MYO7B: variants seen among roughly 807,000 people sequenced by gnomAD.
MYO7B encodes the protein myosin VIIB, also known as unconventional myosin-VIIb.
MYO7B carries 212 observed loss-of-function variants against 259.7 expected under a neutral mutation model. The ratio of observed to expected loss-of-function variants is 0.82; its 90% CI spans 0.73 to 0.91. The LOEUF is 0.91. MYO7B is among the 40% of genes least tolerant of loss of function. MYO7B has a pLI of 0.00. For missense variants in MYO7B, 2,732 were observed against 2,813.5 expected, an observed-to-expected ratio of 0.97 and a Z score of 0.66; for synonymous variants, 1,197 against 1,166.4, an observed-to-expected ratio of 1.03 and a Z score of -0.54.
In MYO7B at chr2:127,539,836, G is replaced by A. The variant is rs1413795839; in HGVS notation, c.-24+4005G>A. ...GTCTTTTGTTGCTCACCCAGCTCCAGCCTTCCCCCGAAAGTCCCCAAAGTC... is the reference window on the plus strand; with the variant it reads ...GTCTTTTGTTGCTCACCCAGCTCCAACCTTCCCCCGAAAGTCCCCAAAGTC... On this transcript the variant is annotated intron_variant, in intron 1 of 47. Transcript: ENST00000409816. The surrounding 1 kb of genome is among the most constrained non-coding windows in gnomAD (Gnocchi z 4.0). Among the ~76,000 whole-genome samples the A allele has an allele frequency of 1.3e-5, 2 of 152,124 alleles. No individual in the cohort carries two copies. The highest frequency in any genetic ancestry group is 2.9e-5 in the Non-Finnish European group (2 of 68,010).
At chr2:127,573,010 C>A (rs1252947251) in intron 6 of MYO7B, among the ~76,000 whole-genome samples, 1 of 152,004 alleles carries the variant, frequency 6.6e-6, no homozygotes, top group Non-Finnish European at 1.5e-5. Flanking sequence ...GATGGCCACA[C>A]TGGGTTCAAT....
chr2:127,634,683 G>C lies in MYO7B; in HGVS notation c.5713G>C (p.Gly1905Arg), dbSNP rs980744912. The C allele has an allele frequency of 1.2e-6, 2 of 1,611,368 alleles. No homozygotes were observed. The highest frequency in any genetic ancestry group is 1.3e-5 in the African/African-American group (1 of 75,008). The change falls in exon 42 of 48, where the codon GGG (glycine) becomes CGG (arginine). Residue 1905 changes from glycine to arginine, a missense_variant and splice_region_variant. Transcript: ENST00000409816. ...WVKKNKPQKE[G>R]APVTLPYQVY... ...GAAGAAGAACAAGCCCCAGAAAGAA[G>C]GTGAGGAGGCCTCTGTGGAGCTGGG...
At position 127,637,604 on chromosome 2, in the gene MYO7B, C is replaced by T. The variant is rs544272592; in HGVS notation, c.*187C>T. The T allele has an allele frequency of 4.2e-5, 20 of 476,838 alleles. No individual in the cohort carries two copies. The highest frequency in any genetic ancestry group is 2.0e-4 in the African/African-American group (10 of 51,214). 29.5% of individuals were successfully genotyped at this position (476,838 alleles called of 1,614,324 possible). A position where few individuals can be genotyped will look rare whatever the true frequency, so the allele number is the denominator to read the frequency against. On this transcript the variant is annotated 3_prime_UTR_variant, in exon 48 of 48. Transcript: ENST00000409816. Reference sequence around the variant, plus strand: ...GGCGCTGCCCAGGGAGGCCAAAAGACGGGCCCAGAATGGGGTCGGGAGTCT... The same window carrying T: ...GGCGCTGCCCAGGGAGGCCAAAAGATGGGCCCAGAATGGGGTCGGGAGTCT...
rs746103187 is a variant in MYO7B, at chr2:127,624,070, C to T, written c.3820-23C>T. 4.5e-6 allele frequency: 7 copies of T among 1,540,520 alleles called. No homozygotes were observed. In the African/African-American group the frequency reaches 8.2e-5, roughly 18 times the overall value. On this transcript the variant is annotated intron_variant, in intron 29 of 47. Transcript: ENST00000409816. ...TGGGGCATGCAACAGCCGCTAACCC[C>T]TGCTCCCCGACTCTGGCCTCAGTTC...
Position 127,629,816 on chromosome 2 carries a change from C to A in MYO7B, c.4796C>A (p.Ala1599Glu). ...ATCCCCACGGTCACTAAGCCCTCGG[C>A]ACAGCTGCTGGTAACTGGCACGCTC... The part of the protein sequence containing the change: ...YTIPTVTKPS[A>E]QLLSLLAMSP... The change falls in exon 35 of 48, where the codon GCA becomes GAA. Residue 1599 changes from alanine (A) to glutamate (E), a missense_variant. Around this residue, in one of 3 missense-constraint regions of MYO7B, gnomAD observed 821 missense variants for 769.3 expected, o/e 1.07. Coordinates refer to ENST00000409816, the MANE Select transcript of MYO7B (RefSeq NM_001393586.1). The A allele has an allele frequency of 6.4e-7, 1 of 1,564,886 alleles. No homozygotes were observed. Among genetic ancestry groups the A allele is most frequent in the Non-Finnish European group, 8.7e-7 (1 of 1,153,164 alleles).
intron 2 of MYO7B, among the ~76,000 whole-genome samples, chr2:127,561,372 C>T (rs1385880865): frequency 1.3e-5 from 2 of 151,982 alleles, no homozygotes; most frequent in African/African-American, 4.8e-5. Flanking sequence ...AATCCTCCCA[C>T]CTCAGCCTCC....
chr2:127,559,662 T>C lies in MYO7B; in HGVS notation c.-23-38T>C. The C allele has an allele frequency of 6.2e-7, 1 of 1,603,868 alleles. No homozygotes were observed. ...GCTCCAGGGGCTCCTATTGGGGCTGTGTATGGAGCTGACGTTCTGCTTTCT... is the reference window on the plus strand; with the variant it reads ...GCTCCAGGGGCTCCTATTGGGGCTGCGTATGGAGCTGACGTTCTGCTTTCT... On this transcript the variant is annotated intron_variant, in intron 1 of 47. Transcript: ENST00000409816. The surrounding 1 kb of genome is among the most constrained non-coding windows in gnomAD (Gnocchi z 4.1).
At chr2:127,574,437 AGCT>A (rs1475097497) in intron 7 of MYO7B, among the ~76,000 whole-genome samples, 2 of 152,192 alleles carry the variant, frequency 1.3e-5, no homozygotes, top group Admixed American at 6.5e-5. Flanking sequence ...CTACTTGGGA[AGCT>A]GAGGCATGAG....
intron 1 of MYO7B, among the ~76,000 whole-genome samples, chr2:127,545,028 A>C (rs913977621): frequency 6.6e-6 from 1 of 152,172 alleles, no homozygotes; most frequent in Non-Finnish European, 1.5e-5. Flanking sequence ...CCCGGCCCTA[A>C]CCATGCTTTT....
chr2:127,557,644 G>A (rs1238248753), intron 1 of MYO7B, among the ~76,000 whole-genome samples: 2 of 152,072 alleles, frequency 1.3e-5, no homozygotes, highest in Non-Finnish European at 2.9e-5. Flanking sequence ...ATAAAAATAG[G>A]CATATAGACC....
At chr2:127,592,984 G>T in intron 17 of MYO7B, 38 bp downstream of exon 17, 1 of 1,499,586 alleles carries the variant, frequency 6.7e-7, no homozygotes, top group Non-Finnish European at 8.8e-7. Context: ...CTGGCCATCC[G>T]CGGCCTTCCC....
intron 18 of MYO7B, among the ~76,000 whole-genome samples, chr2:127,596,028 C>T (rs912878122): frequency 8.5e-5 from 13 of 152,116 alleles, no homozygotes; most frequent in African/African-American, 3.1e-4. Context: ...TTTTCTGTCT[C>T]GATGATCTGT....
rs1324291398 is a variant in MYO7B, at chr2:127,613,353, G to A, written c.3398+750G>A. ...GATCTTTTGTCTTCCCTAGTCTGCT[G>A]TCATATCCATCCAACAAATGTTTTA... On this transcript the variant is annotated intron_variant, in intron 26 of 47. Coordinates refer to ENST00000409816, the MANE Select transcript of MYO7B (RefSeq NM_001393586.1). This position sits in a 1 kb window ranked among gnomAD's most constrained non-coding sequence, Gnocchi z 4.3. 6.6e-6 allele frequency among the ~76,000 whole-genome samples: 1 copy of A among 152,088 alleles called. No homozygotes were observed. The highest frequency in any genetic ancestry group is 2.4e-5 in the African/African-American group (1 of 41,394).
Position 127,612,304 on chromosome 2 carries a change from C to A in MYO7B, c.3247C>A (p.Arg1083=). 2.4e-6 allele frequency: 2 copies of A among 850,116 alleles called. No individual in the cohort carries two copies. The highest frequency in any genetic ancestry group is 3.8e-6 in the Non-Finnish European group (2 of 525,252). 52.7% of individuals were successfully genotyped at this position (850,116 alleles called of 1,614,324 possible). Residue 1083 remains arginine (R), a synonymous_variant, in exon 25 of 48, where the codon CGG becomes AGG. Transcript: ENST00000409816. ...TKDISSMKLK[R]SSRITGQVAS... Reference sequence around the variant, plus strand: ...GGATATCTCCTCCATGAAGCTGAAGCGGTCCTCCCGGATCACAGGCCAGGT... The same window carrying A: ...GGATATCTCCTCCATGAAGCTGAAGAGGTCCTCCCGGATCACAGGCCAGGT...
Position 127,579,428 on chromosome 2 carries a change from C to T in MYO7B, c.1003+1142C>T, listed in dbSNP as rs1224172985. 2.6e-5 allele frequency among the ~76,000 whole-genome samples: 4 copies of T among 152,290 alleles called. No homozygotes were observed. In the South Asian group the frequency reaches 6.2e-4, roughly 24 times the overall value. On this transcript the variant is annotated intron_variant, in intron 9 of 47. Transcript: ENST00000409816. ...GCAAGCTGCAGCTGGGCTGATCTGT[C>T]GTCTATCAGCCAGACTGCACACTTC...
In MYO7B at chr2:127,623,407, C is replaced by T. The variant is rs1418671948; in HGVS notation, c.3819+32C>T. On this transcript the variant is annotated intron_variant, in intron 29 of 47. Transcript: ENST00000409816. ...GCCAGGCACCCTGCCCGTCAGCCGCCTCCCTCATACACCCAGGGAGAGCAC... is the reference window on the plus strand; with the variant it reads ...GCCAGGCACCCTGCCCGTCAGCCGCTTCCCTCATACACCCAGGGAGAGCAC... The T allele has an allele frequency of 2.6e-6, 4 of 1,526,856 alleles. No individual in the cohort carries two copies. The South Asian group carries it at 5.1e-5, about 19-fold the overall frequency. The allele number at this position is 1,526,856 out of a possible 1,614,324, so 94.6% of individuals were successfully genotyped here. A position where few individuals can be genotyped will look rare whatever the true frequency, so the allele number is the denominator to read the frequency against.
intron 34 of MYO7B, 149 bp from the exon 35 acceptor site, chr2:127,629,496 C>G (rs1681342950): frequency 1.4e-6 from 1 of 715,614 alleles, no homozygotes; most frequent in Admixed American, 3.4e-5. Flanking sequence ...CCCTGAGGTT[C>G]CAGTCCCACC....
Position 127,580,732 on chromosome 2 carries a change from G to C in MYO7B, c.1004-14G>C, listed in dbSNP as rs199997179. 6.2e-7 allele frequency: 1 copy of C among 1,609,302 alleles called. No individual in the cohort carries two copies. The highest frequency in any genetic ancestry group is 1.1e-5 in the South Asian group (1 of 89,882). ...GGCTGCTTTCCAACTCAGCATTCCT[G>C]CTTCTCTCTCTAGCTTCGGTCTTCG... On this transcript the variant is annotated splice_polypyrimidine_tract_variant and intron_variant, in intron 9 of 47. Transcript: ENST00000409816.
chr2:127,609,904 C>T lies in MYO7B; in HGVS notation c.3080C>T (p.Pro1027Leu). The T allele has an allele frequency of 6.2e-7, 1 of 1,611,452 alleles. No homozygotes were observed. Among genetic ancestry groups the T allele is most frequent in the Non-Finnish European group, 8.5e-7 (1 of 1,178,688 alleles). Residue 1027 changes from proline (P) to leucine (L), a missense_variant, in exon 24 of 48, where the codon CCA becomes CTA. Physicochemically the swap from Pro to Leu is moderately conservative, Grantham distance 98 (BLOSUM62 -3). Around this residue, in one of 3 missense-constraint regions of MYO7B, gnomAD observed 1,906 missense variants for 2,026.4 expected, o/e 0.94. Coordinates refer to ENST00000409816, the MANE Select transcript of MYO7B (RefSeq NM_001393586.1). The surrounding 1 kb of genome is among the most constrained non-coding windows in gnomAD (Gnocchi z 6.9). The part of the protein sequence containing the change: ...ILRFMGDLPE[P>L]VLYARSSQQG... Reference sequence around the variant, plus strand: ...AGGTTCATGGGTGATCTCCCAGAGCCAGTGCTGTATGCCAGGAGCAGCCAG... The same window carrying T: ...AGGTTCATGGGTGATCTCCCAGAGCTAGTGCTGTATGCCAGGAGCAGCCAG...
Sources: allele counts gnomAD v4.1 joint callset (sites outside exome capture counted in the v4.1 genomes callset), GRCh38; gene constraint gnomAD v4.1.1; regional missense constraint gnomAD v4.1.1; non-coding constraint Gnocchi (gnomAD v3.1); transcripts MANE v1.5; gene names NCBI Gene and HGNC (gene_info 2026-07-23, HGNC 2026-07-21).